Variants in DIP2B observed in about 807,000 individuals in gnomAD.
DIP2B encodes the protein disco-interacting protein 2 homolog B.
DIP2B carries 76 observed loss-of-function variants against 198.0 expected under a neutral mutation model. The observed-to-expected ratio is 0.38, with a 90% CI of 0.32 to 0.46. DIP2B has a LOEUF of 0.46. DIP2B is among the 20% of genes least tolerant of loss of function. The pLI, the probability that DIP2B is intolerant of heterozygous loss-of-function variation, is 0.99. For missense variants in DIP2B, 1,559 were observed against 1,978.4 expected (o/e 0.79, Z 4.02); for synonymous variants, 701 against 739.1 (o/e 0.95, Z 0.84).
At chr12:50,586,103 C>T (rs920181041) in intron 1 of DIP2B, among the ~76,000 whole-genome samples, 2 of 152,182 alleles carry the variant, frequency 1.3e-5, no homozygotes, top group Non-Finnish European at 2.9e-5. Flanking sequence ...TTCATGTGTT[C>T]TGTTAATACA....
chr12:50,721,957 G>A (rs1939843918), intron 26 of DIP2B, among the ~76,000 whole-genome samples: 1 of 103,884 alleles, frequency 9.6e-6, no homozygotes, highest in Non-Finnish European at 2.1e-5. Flanking sequence ...CTTCTTAGAT[G>A]TTGTTGAAGG....
intron 18 of DIP2B, 148 bp downstream of exon 18, chr12:50,698,615 C>A: frequency 1.0e-6 from 1 of 991,192 alleles, no homozygotes; most frequent in Non-Finnish European, 1.4e-6. Context: ...ATAGTTAAGT[C>A]ATTATAATTA....
At chr12:50,692,149 A>G (rs1033488269) in intron 13 of DIP2B, among the ~76,000 whole-genome samples, 2 of 152,122 alleles carry the variant, frequency 1.3e-5, no homozygotes, top group African/African-American at 4.8e-5. Context: ...ATATGAAGAA[A>G]TTGTTTCAAT....
chr12:50,553,697 A>G lies in DIP2B; in HGVS notation c.100+48457A>G, dbSNP rs185163982. Among the ~76,000 whole-genome samples, 172 of 152,274 alleles carry G rather than the reference A, an allele frequency of 1.1e-3. 1 individual carries two copies. Among genetic ancestry groups the G allele is most frequent in the African/African-American group, 3.9e-3 (162 of 41,564 alleles). ...GAGACAGGTTCTCACTCTGTCACCC[A>G]GGCTGGAGTGCAGTGTTATGATCAC... is the stretch of plus-strand genomic sequence containing the variant. On this transcript the variant is annotated intron_variant, in intron 1 of 37. Coordinates refer to ENST00000301180, the MANE Select transcript of DIP2B (RefSeq NM_173602.3).
chr12:50,708,694 C>A (rs1223015184), intron 22 of DIP2B, 132 bp downstream of exon 22: 2 of 675,384 alleles, frequency 3.0e-6, no homozygotes, highest in East Asian at 5.5e-5. Flanking sequence ...CTGGGTACTA[C>A]TAGCAAAATC....
chr12:50,580,518 T>C (rs1958715318), intron 1 of DIP2B, among the ~76,000 whole-genome samples: 1 of 143,648 alleles, frequency 7.0e-6, no homozygotes, highest in Admixed American at 7.7e-5. Flanking sequence ...CAGTCTACTT[T>C]ATCCTTTCTT....
intron 1 of DIP2B, among the ~76,000 whole-genome samples, chr12:50,600,894 T>TCACCACCACCACCACCACCACCACCAC (rs34616785): frequency 2.5e-5 from 3 of 121,500 alleles, no homozygotes; most frequent in Non-Finnish European, 3.4e-5. Flanking sequence ...ATGACCACCA[T>TCACCACCACCACCACCACCACCACCAC]CACCACCACC....
chr12:50,683,555 G>C (rs1296756282), intron 10 of DIP2B, among the ~76,000 whole-genome samples: 2 of 152,124 alleles, frequency 1.3e-5, no homozygotes, highest in African/African-American at 4.8e-5. Context: ...GCTGAGGCGG[G>C]GGGATCACAA....
intron 1 of DIP2B, among the ~76,000 whole-genome samples, chr12:50,611,885 A>G (rs1399340804): frequency 2.6e-5 from 4 of 152,040 alleles, no homozygotes; most frequent in Non-Finnish European, 1.5e-5. Flanking sequence ...CTTTATGTCT[A>G]GGTGCAAAGT....
chr12:50,570,951 T>C (rs1321792580), intron 1 of DIP2B, among the ~76,000 whole-genome samples: 1 of 152,208 alleles, frequency 6.6e-6, no homozygotes, highest in African/African-American at 2.4e-5. Context: ...AGATATTAAA[T>C]GTAGCAAAAT....
At chr12:50,742,788 C>T (rs1291375599) in intron 37 of DIP2B, among the ~76,000 whole-genome samples, 3 of 151,860 alleles carry the variant, frequency 2.0e-5, no homozygotes, top group African/African-American at 2.4e-5. Flanking sequence ...CCTAGCTGCT[C>T]GGGAGGCTGA....
At position 50,728,619 on chromosome 12, in the gene DIP2B, G is replaced by A. The variant is rs1178248670; in HGVS notation, c.3582G>A (p.Gln1194=). ...AGTGTGAGTTGTACTCTTCTCGGCA[G>A]ATCGCCATCTGCCTTGACCCTTACT... The part of the protein sequence containing the change: ...KLQCELYSSR[Q]IAICLDPYCG... The change falls in exon 30 of 38, where the codon CAG becomes CAA. Residue 1194 remains glutamine, a synonymous_variant. Coordinates refer to ENST00000301180, the MANE Select transcript of DIP2B (RefSeq NM_173602.3). 9 of 1,614,042 alleles carry A rather than the reference G, an allele frequency of 5.6e-6. No homozygotes were observed. Among genetic ancestry groups the A allele is most frequent in the Non-Finnish European group, 7.6e-6 (9 of 1,180,038 alleles).
At chr12:50,562,968 C>T (rs1239321368) in intron 1 of DIP2B, among the ~76,000 whole-genome samples, 1 of 152,116 alleles carries the variant, frequency 6.6e-6, no homozygotes, top group African/African-American at 2.4e-5. Context: ...ACCAATATCT[C>T]AGTTGGCTTA....
In DIP2B at chr12:50,727,764, A is replaced by G. The variant is rs533851560; in HGVS notation, c.3462A>G (p.Ala1154=). 3.9e-5 allele frequency: 63 copies of G among 1,614,212 alleles called. 1 individual carries two copies. In the South Asian group the frequency reaches 6.8e-4, roughly 17 times the overall value. The part of the protein sequence containing the change: ...LYKPPTPEML[A]YLDFSVSTTG... The stretch of plus-strand genomic sequence containing the variant: ...AACCGCCCACTCCTGAGATGTTGGC[A>G]TATCTTGATTTTAGTGTCTCCACAA... Residue 1154 remains alanine (A), a synonymous_variant, in exon 29 of 38, where the codon GCA becomes GCG. Coordinates refer to ENST00000301180, the MANE Select transcript of DIP2B (RefSeq NM_173602.3).
chr12:50,532,399 C>T (rs1334835174), intron 1 of DIP2B, among the ~76,000 whole-genome samples: 1 of 152,094 alleles, frequency 6.6e-6, no homozygotes, highest in African/African-American at 2.4e-5. Context: ...CCTGTAATCC[C>T]AGCTACTTGG....
chr12:50,628,110 G>A (rs1340858654), intron 2 of DIP2B, among the ~76,000 whole-genome samples: 1 of 152,098 alleles, frequency 6.6e-6, no homozygotes, highest in Non-Finnish European at 1.5e-5. Flanking sequence ...GGAGGCTCAC[G>A]CTGTAATTCC....
rs201030886 is a variant in DIP2B at position 50,683,167 on chromosome 12, A to G, written c.1236A>G (p.Pro412=). The change falls in exon 10 of 38, where the codon CCA becomes CCG. Residue 412 remains proline (P), a synonymous_variant. Transcript: ENST00000301180. ...CCCTGGTTTACCCCAACAATGATCC[A>G]GTCATGTTTATGGTGGCTTTCTATG... The part of the protein sequence containing the change: ...RVALVYPNND[P]VMFMVAFYGC... The G allele has an allele frequency of 1.2e-5, 20 of 1,612,244 alleles. No homozygotes were observed. In the Middle Eastern group the frequency reaches 4.9e-4, roughly 40 times the overall value.
At chr12:50,563,887 T>C in intron 1 of DIP2B, among the ~76,000 whole-genome samples, 1 of 88,104 alleles carries the variant, frequency 1.1e-5, no homozygotes, top group East Asian at 5.1e-4. Flanking sequence ...GCTGGATTTA[T>C]TTTTTTAGTC....
In DIP2B at chr12:50,732,421, G is replaced by A; in HGVS notation, c.3866G>A (p.Arg1289Lys). The change falls in exon 32 of 38, where the codon AGG becomes AAG. Residue 1289 changes from arginine to lysine, a missense_variant. Coordinates refer to ENST00000301180, the MANE Select transcript of DIP2B (RefSeq NM_173602.3). Reference sequence around the variant, plus strand: ...ACCTGTGTGGTGGTGGCGGAGGAGAGGCCCCGCGTTGCACTCCAGCAGTCC... The same window carrying A: ...ACCTGTGTGGTGGTGGCGGAGGAGAAGCCCCGCGTTGCACTCCAGCAGTCC... ...VRTCVVVAEE[R>K]PRVALQQSFS... 1 of 1,614,214 alleles carries A rather than the reference G, an allele frequency of 6.2e-7. No individual in the cohort carries two copies. The highest frequency in any genetic ancestry group is 8.5e-7 in the Non-Finnish European group (1 of 1,180,042).
Sources: gnomAD v4.1 joint callset for allele counts (sites outside exome capture counted in the v4.1 genomes callset) on GRCh38, gnomAD v4.1.1 for gene constraint, MANE v1.5 for transcripts, NCBI Gene and HGNC (gene_info 2026-07-23, HGNC 2026-07-21) for gene names.